The following ZNF579 variants were observed in gnomAD, a reference collection of about 807,000 sequenced individuals.
ZNF579 encodes zinc finger protein 579.
ZNF579 carries 3 observed loss-of-function variants against 5.7 expected under a neutral mutation model. The ratio of observed to expected loss-of-function variants is 0.53; its 90% CI spans 0.24 to 1.36. The LOEUF is 1.36. Ranked by LOEUF, ZNF579 falls within the 40% of genes most tolerant of loss-of-function variation. The probability of loss-of-function intolerance (pLI) is 0.16; values close to 1 mark genes in which losing one functional copy is unlikely to be tolerated. For synonymous variants in ZNF579, 454 were observed against 409.0 expected (o/e 1.11, Z -1.33); for missense variants, 679 against 877.6 (o/e 0.77, Z 2.86).
chr19:55,578,791 C>A lies in ZNF579; in HGVS notation c.849G>T (p.Trp283Cys). Residue 283 changes from tryptophan (W) to cysteine (C), a missense_variant, in exon 2 of 2, where the codon TGG becomes TGT. Physicochemically the swap from Trp to Cys is radical, Grantham distance 215. Around this residue, in one of 6 missense-constraint regions of ZNF579, gnomAD observed 38 missense variants for 70.3 expected, o/e 0.54. Coordinates refer to ENST00000325421, the MANE Select transcript of ZNF579 (RefSeq NM_152600.3). ...GGACCAGCCGGTGGCGCGACAGGGA[C>A]CAGGGCCTGGCGAAGGCCTTGAGGC... ...SICLKAFARP[W>C]SLSRHRLVHS... is the part of the protein sequence containing the mutation. 6.2e-7 allele frequency: 1 copy of A among 1,602,530 alleles called. No homozygotes were observed. Among genetic ancestry groups the A allele is most frequent in the South Asian group, 1.1e-5 (1 of 89,576 alleles).
In ZNF579 at chr19:55,577,683, C is replaced by T. The variant is rs1367710118; in HGVS notation, c.*268G>A. On this transcript the variant is annotated 3_prime_UTR_variant, in exon 2 of 2. Transcript: ENST00000325421. ...AGGCGGGGGCGTCCCCACCAGTCTCCATCCCTCTGGCCAACTGTCCGCCGC... is the reference window on the plus strand; with the variant it reads ...AGGCGGGGGCGTCCCCACCAGTCTCTATCCCTCTGGCCAACTGTCCGCCGC... The T allele has an allele frequency of 1.2e-5, 6 of 508,174 alleles. No homozygotes were observed. Among genetic ancestry groups the T allele is most frequent in the Non-Finnish European group, 2.0e-5 (6 of 294,890 alleles). The allele number at this position is 508,174 out of a possible 1,614,324, so 31.5% of individuals were successfully genotyped here.
In ZNF579 at chr19:55,577,925, A is replaced by AGCGGCGGAGGGCAGG. The variant is rs751206746; in HGVS notation, c.*11_*25dup. On this transcript the variant is annotated 3_prime_UTR_variant, in exon 2 of 2. Transcript: ENST00000325421. Reference sequence around the variant, plus strand: ...TCTGCAAACCGGGGAGCTCAGGCGGAGCGGCGGAGGGCAGGGCGGCGAAGG... The same window carrying AGCGGCGGAGGGCAGG: ...TCTGCAAACCGGGGAGCTCAGGCGGAGCGGCGGAGGGCAGGGCGGCGGAGGGCAGGGCGGCGAAGG... 28 of 1,563,190 alleles carry AGCGGCGGAGGGCAGG rather than the reference A, an allele frequency of 1.8e-5. No individual in the cohort carries two copies. In the Admixed American group the frequency reaches 3.2e-4, roughly 18 times the overall value.
intron 1 of ZNF579, among the ~76,000 whole-genome samples, chr19:55,580,233 C>T (rs1047519788): frequency 6.6e-6 from 1 of 151,858 alleles, no homozygotes; most frequent in Non-Finnish European, 1.5e-5. Flanking sequence ...GGGGCTGGGA[C>T]ACAGCCCATG....
rs1158403632 is a variant in ZNF579, at chr19:55,578,792, C to T, written c.848G>A (p.Trp283Ter). 1 of 1,602,324 alleles carries T rather than the reference C, an allele frequency of 6.2e-7. No individual in the cohort carries two copies. Among genetic ancestry groups the T allele is most frequent in the Non-Finnish European group, 8.5e-7 (1 of 1,174,638 alleles). The change falls in exon 2 of 2, where the codon TGG (tryptophan) becomes TAG (stop). Residue 283 changes from tryptophan to a stop codon, truncating the protein, a stop_gained. Coordinates refer to ENST00000325421, the MANE Select transcript of ZNF579 (RefSeq NM_152600.3). LOFTEE classifies it low-confidence loss of function (END_TRUNC). ...SICLKAFARP[W>*]SLSRHRLVHS... Reference sequence around the variant, plus strand: ...GACCAGCCGGTGGCGCGACAGGGACCAGGGCCTGGCGAAGGCCTTGAGGCA... The same window carrying T: ...GACCAGCCGGTGGCGCGACAGGGACTAGGGCCTGGCGAAGGCCTTGAGGCA...
chr19:55,578,101 A>C lies in ZNF579; in HGVS notation c.1539T>G (p.Ser513=). ...PLANIKEEPP[S]PGTPPQSPPA... Reference sequence around the variant, plus strand: ...GCGGGGACTGGGGTGGGGTCCCCGGAGAGGGCGGCTCTTCCTTAATGTTTG... The same window carrying C: ...GCGGGGACTGGGGTGGGGTCCCCGGCGAGGGCGGCTCTTCCTTAATGTTTG... The change falls in exon 2 of 2, where the codon TCT becomes TCG. Residue 513 remains serine, a synonymous_variant. Transcript: ENST00000325421. 6.4e-7 allele frequency: 1 copy of C among 1,564,510 alleles called. No homozygotes were observed. Among genetic ancestry groups the C allele is most frequent in the Non-Finnish European group, 8.7e-7 (1 of 1,154,096 alleles).
Position 55,577,842 on chromosome 19 carries a change from C to T in ZNF579, c.*109G>A. On this transcript the variant is annotated 3_prime_UTR_variant, in exon 2 of 2. Coordinates refer to ENST00000325421, the MANE Select transcript of ZNF579 (RefSeq NM_152600.3). ...GCCCCCCACTCCTTAGTGTCAAGGG[C>T]GTGAAGGGGACGGGTGGGTAGACAG... 2.0e-6 allele frequency: 3 copies of T among 1,498,434 alleles called. No homozygotes were observed. Among genetic ancestry groups the T allele is most frequent in the East Asian group, 2.5e-5 (1 of 40,754 alleles). The allele number at this position is 1,498,434 out of a possible 1,614,324, so 92.8% of individuals were successfully genotyped here. A position where few individuals can be genotyped will look rare whatever the true frequency, so the allele number is the denominator to read the frequency against.
In ZNF579 at chr19:55,578,144, CCTT is replaced by C; in HGVS notation, c.1493_1495del (p.Glu498del). ...AATGTTTGCGAGGGGCAGCGGGAGC[CCTT>C]CTTCCTCCTGCTCGGCCTTCAGGGG... On this transcript the variant is annotated inframe_deletion, in exon 2 of 2. Coordinates refer to ENST00000325421, the MANE Select transcript of ZNF579 (RefSeq NM_152600.3). 6.5e-7 allele frequency: 1 copy of C among 1,529,076 alleles called. No individual in the cohort carries two copies. The allele number at this position is 1,529,076 out of a possible 1,614,324, so 94.7% of individuals were successfully genotyped here.
intron 1 of ZNF579, 53 bp from the exon 2 acceptor site, chr19:55,579,694 C>G: frequency 8.1e-6 from 11 of 1,360,916 alleles, no homozygotes; most frequent in Non-Finnish European, 1.0e-5. Context: ...AAAAGAGGTG[C>G]GTGGGGTGTG....
At position 55,578,394 on chromosome 19, in the gene ZNF579, G is replaced by A. The variant is rs1490734829; in HGVS notation, c.1246C>T (p.Arg416Cys). ...AGGCGCTTGAACTCCCGCTGGCAGC[G>A]CACGCACTGGAAGGGGCGCGCTCCC... The part of the protein sequence containing the change: ...HSGARPFQCV[R>C]CQREFKRLAD... Residue 416 changes from arginine to cysteine, a missense_variant, in exon 2 of 2, where the codon CGC becomes TGC. Physicochemically the swap from Arg to Cys is radical, Grantham distance 180. Around this residue, in one of 6 missense-constraint regions of ZNF579, gnomAD observed 68 missense variants for 154.2 expected, o/e 0.44. Transcript: ENST00000325421. 1 of 1,474,600 alleles carries A rather than the reference G, an allele frequency of 6.8e-7. No homozygotes were observed. 91.3% of individuals were successfully genotyped at this position (1,474,600 alleles called of 1,614,324 possible). A position where few individuals can be genotyped will look rare whatever the true frequency, so the allele number is the denominator to read the frequency against.
In ZNF579 at chr19:55,576,942, A is replaced by G. The variant is rs933656058; in HGVS notation, c.*1009T>C. 1.3e-5 allele frequency: 2 copies of G among 151,970 alleles called. No homozygotes were observed. The highest frequency in any genetic ancestry group is 2.9e-5 in the Non-Finnish European group (2 of 68,018). 9.4% of individuals were successfully genotyped at this position (151,970 alleles called of 1,614,324 possible). A position where few individuals can be genotyped will look rare whatever the true frequency, so the allele number is the denominator to read the frequency against. On this transcript the variant is annotated 3_prime_UTR_variant, in exon 2 of 2. Transcript: ENST00000325421. The stretch of plus-strand genomic sequence containing the variant: ...CTCCCAGACTGGGCAAGATAGCAAG[A>G]CTCCGTCTCTGCAAGAAATGAAACA...
rs748322231 is a variant in ZNF579, at chr19:55,578,656, CGGGGCCAGCAGGCTGAG to C, written c.967_983del (p.Leu323AlafsTer180). On this transcript the variant is annotated frameshift_variant, in exon 2 of 2. Transcript: ENST00000325421. LOFTEE classifies it low-confidence loss of function (END_TRUNC). The stretch of plus-strand genomic sequence containing the variant: ...CGTCCTTCTTGCCCGCCGCGGGCAG[CGGGGCCAGCAGGCTGAG>C]GGGGCCGTGGACGCGGCGGTGCTGG... 1 of 1,529,732 alleles carries C rather than the reference CGGGGCCAGCAGGCTGAG, an allele frequency of 6.5e-7. No individual in the cohort carries two copies. The highest frequency in any genetic ancestry group is 1.4e-5 in the African/African-American group (1 of 70,532). The allele number at this position is 1,529,732 out of a possible 1,614,324, so 94.8% of individuals were successfully genotyped here.
rs1244252624 is a variant in ZNF579, at chr19:55,577,088, G to C, written c.*863C>G. 2.6e-5 allele frequency: 4 copies of C among 152,154 alleles called. No individual in the cohort carries two copies. The highest frequency in any genetic ancestry group is 4.8e-5 in the African/African-American group (2 of 41,404). The allele number at this position is 152,154 out of a possible 1,614,324, so 9.4% of individuals were successfully genotyped here. ...TGACTGCACCACGGCACTGCAGCTT[G>C]GGCAACAGAGTGAGGGAAGAAAGAT... On this transcript the variant is annotated 3_prime_UTR_variant, in exon 2 of 2. Transcript: ENST00000325421.
chr19:55,579,304 C>G lies in ZNF579; in HGVS notation c.336G>C (p.Pro112=), dbSNP rs1414228844. The change falls in exon 2 of 2, where the codon CCG becomes CCC. Residue 112 remains proline, a synonymous_variant. Transcript: ENST00000325421. The stretch of plus-strand genomic sequence containing the variant: ...GAGCCAGGTGGCGCCTGAGCTGGGC[C>G]GGTTCTGGGAAGGTGCGGGGGCAGG... ...CAACPRTFPE[P]AQLRRHLAQE... The G allele has an allele frequency of 3.5e-5, 53 of 1,504,162 alleles. No homozygotes were observed. Among genetic ancestry groups the G allele is most frequent in the Middle Eastern group, 2.1e-4 (1 of 4,704 alleles). The allele number at this position is 1,504,162 out of a possible 1,614,324, so 93.2% of individuals were successfully genotyped here. A position where few individuals can be genotyped will look rare whatever the true frequency, so the allele number is the denominator to read the frequency against.
rs767105066 is a variant in ZNF579, at chr19:55,579,047, T to G, written c.593A>C (p.Glu198Ala). 82 of 1,529,402 alleles carry G rather than the reference T, an allele frequency of 5.4e-5. No homozygotes were observed. The highest frequency in any genetic ancestry group is 6.8e-5 in the Non-Finnish European group (78 of 1,144,422). 94.7% of individuals were successfully genotyped at this position (1,529,402 alleles called of 1,614,324 possible). Reference protein sequence around the residue: ...AAEPRESESEEAEAGAAELRA... With the variant: ...AAEPRESESEAAEAGAAELRA... Reference sequence around the variant, plus strand: ...CAGCTCTGCTGCCCCGGCCTCGGCCTCCTCCGACTCCGACTCCCGGGGCTC... The same window carrying G: ...CAGCTCTGCTGCCCCGGCCTCGGCCGCCTCCGACTCCGACTCCCGGGGCTC... Residue 198 changes from glutamate (E) to alanine (A), a missense_variant, in exon 2 of 2, where the codon GAG becomes GCG. By Grantham distance (107) the Glu-to-Ala change is moderately radical. Transcript: ENST00000325421.
In ZNF579 at chr19:55,578,212, C is replaced by T. The variant is rs1035896739; in HGVS notation, c.1428G>A (p.Leu476=). The T allele has an allele frequency of 6.8e-7, 1 of 1,465,744 alleles. No individual in the cohort carries two copies. Among genetic ancestry groups the T allele is most frequent in the Non-Finnish European group, 9.0e-7 (1 of 1,114,286 alleles). The allele number at this position is 1,465,744 out of a possible 1,614,324, so 90.8% of individuals were successfully genotyped here. A position where few individuals can be genotyped will look rare whatever the true frequency, so the allele number is the denominator to read the frequency against. ...ELERAAALQA[L]QAQAPTSPPP... Reference sequence around the variant, plus strand: ...GCGGCGACGTCGGGGCCTGGGCCTGCAGTGCCTGCAGCGCGGCGGCCCTCT... The same window carrying T: ...GCGGCGACGTCGGGGCCTGGGCCTGTAGTGCCTGCAGCGCGGCGGCCCTCT... Residue 476 remains leucine, a synonymous_variant, in exon 2 of 2, where the codon CTG becomes CTA. Coordinates refer to ENST00000325421, the MANE Select transcript of ZNF579 (RefSeq NM_152600.3).
Position 55,578,853 on chromosome 19 carries a change from G to C in ZNF579, c.787C>G (p.Pro263Ala). The C allele has an allele frequency of 1.3e-6, 2 of 1,599,182 alleles. No homozygotes were observed. The highest frequency in any genetic ancestry group is 1.7e-6 in the Non-Finnish European group (2 of 1,172,386). Reference sequence around the variant, plus strand: ...TGGTGTCGCTTGGGGCGTGGCGGGGGCCCCCCTTCCCCTTCCTGTTCGCCC... The same window carrying C: ...TGGTGTCGCTTGGGGCGTGGCGGGGCCCCCCCTTCCCCTTCCTGTTCGCCC... ...PEGEQEGEGG[P>A]PPRPKRHQCS... The change falls in exon 2 of 2, where the codon CCC becomes GCC. Residue 263 changes from proline to alanine, a missense_variant. Pro to Ala is a conservative substitution (Grantham distance 27). Transcript: ENST00000325421.
At chr19:55,580,116 G>A (rs982734432) in intron 1 of ZNF579, 91 of 155,048 alleles carry the variant, frequency 5.9e-4, no homozygotes, top group African/African-American at 2.0e-3. Flanking sequence ...CGGAGAGACA[G>A]GGAGACAGAG....
Position 55,579,268 on chromosome 19 carries a change from C to A in ZNF579, c.372G>T (p.Ala124=), listed in dbSNP as rs752566833. The part of the protein sequence containing the change: ...QLRRHLAQEH[A]GGEVELAIER... Reference sequence around the variant, plus strand: ...CGATGGCCAGCTCGACCTCGCCGCCCGCGTGCTCCTGAGCCAGGTGGCGCC... The same window carrying A: ...CGATGGCCAGCTCGACCTCGCCGCCAGCGTGCTCCTGAGCCAGGTGGCGCC... The change falls in exon 2 of 2, where the codon GCG becomes GCT. Residue 124 remains alanine (A), a synonymous_variant. Coordinates refer to ENST00000325421, the MANE Select transcript of ZNF579 (RefSeq NM_152600.3). 32 of 1,516,630 alleles carry A rather than the reference C, an allele frequency of 2.1e-5. No homozygotes were observed. Among genetic ancestry groups the A allele is most frequent in the Non-Finnish European group, 2.7e-5 (31 of 1,137,468 alleles). 93.9% of individuals were successfully genotyped at this position (1,516,630 alleles called of 1,614,324 possible).
chr19:55,579,104 G>A lies in ZNF579; in HGVS notation c.536C>T (p.Pro179Leu). ...GCTGGTGGGCGCAGCCAGCGTGGAAGGCTCCCCCGCAGGCCACGTCTCAGG... is the reference window on the plus strand; with the variant it reads ...GCTGGTGGGCGCAGCCAGCGTGGAAAGCTCCCCCGCAGGCCACGTCTCAGG... ...AWPETWPAGE[P>L]STLAAPTSAA... is the part of the protein sequence containing the mutation. The change falls in exon 2 of 2, where the codon CCT (proline) becomes CTT (leucine). Residue 179 changes from proline (P) to leucine (L), a missense_variant. This residue lies in a region of ZNF579 where 209 missense variants were observed against 223.4 expected (regional missense o/e 0.94). Transcript: ENST00000325421. 6.5e-7 allele frequency: 1 copy of A among 1,527,598 alleles called. No homozygotes were observed. The highest frequency in any genetic ancestry group is 1.4e-5 in the African/African-American group (1 of 71,962). The allele number at this position is 1,527,598 out of a possible 1,614,324, so 94.6% of individuals were successfully genotyped here.
Sources: allele counts gnomAD v4.1 joint callset (sites outside exome capture counted in the v4.1 genomes callset), GRCh38; gene constraint gnomAD v4.1.1; regional missense constraint gnomAD v4.1.1; transcripts MANE v1.5; gene names NCBI Gene and HGNC (gene_info 2026-07-23, HGNC 2026-07-21).